Variants in FRMD4B observed in about 807,000 individuals in gnomAD.
The protein encoded by FRMD4B is FERM domain containing 4B.
In FRMD4B, 74 loss-of-function variants were observed where a neutral mutation model predicts 141.5. The observed-to-expected ratio is 0.52, with a 90% CI of 0.43 to 0.63. FRMD4B has a LOEUF of 0.63. FRMD4B is among the 30% of genes least tolerant of loss of function. FRMD4B has a pLI of 0.00. For missense variants in FRMD4B, 1,366 were observed against 1,253.4 expected (o/e 1.09, Z -1.36); for synonymous variants, 506 against 467.9 (o/e 1.08, Z -1.05).
chr3:69,481,913 T>C (rs928450700), intron 1 of FRMD4B, among the ~76,000 whole-genome samples: 3 of 152,154 alleles, frequency 2.0e-5, no homozygotes, highest in Non-Finnish European at 2.9e-5. Context: ...ACAGAGCCAT[T>C]CTCAAAAGAA....
intron 5 of FRMD4B, among the ~76,000 whole-genome samples, chr3:69,286,157 C>T (rs1309427082): frequency 3.9e-5 from 6 of 152,172 alleles, no homozygotes; most frequent in African/African-American, 1.4e-4. Context: ...TAAAGGAAGT[C>T]CTCCAGGCAG....
Position 69,385,867 on chromosome 3 carries a change from C to G in FRMD4B, c.123G>C (p.Gln41His). ...GCAGCCCGCACCACGTCCGCAGCAC[C>G]TGGTGGCAAGCCCGCAGCCTCTCCG... ...WYTERLRACH[Q>H]VLRTWCGLQD... is the part of the protein sequence containing the mutation. Residue 41 changes from glutamine to histidine, a missense_variant, in exon 1 of 23, where the codon CAG becomes CAC. Physicochemically the swap from Gln to His is conservative, Grantham distance 24. Coordinates refer to ENST00000398540, the MANE Select transcript of FRMD4B (RefSeq NM_015123.3). 6.3e-7 allele frequency: 1 copy of G among 1,599,390 alleles called. No homozygotes were observed. Among genetic ancestry groups the G allele is most frequent in the South Asian group, 1.1e-5 (1 of 87,792 alleles).
At chr3:69,448,399 G>A (rs924681454) in intron 1 of FRMD4B, among the ~76,000 whole-genome samples, 5 of 152,198 alleles carry the variant, frequency 3.3e-5, no homozygotes, top group African/African-American at 1.2e-4. Flanking sequence ...GGAATTGTGA[G>A]ATTCTATGAT....
intron 1 of FRMD4B, among the ~76,000 whole-genome samples, chr3:69,523,797 C>T (rs1575600170): frequency 6.6e-6 from 1 of 152,126 alleles, no homozygotes; most frequent in Admixed American, 6.5e-5. Context: ...GATGTGGCTT[C>T]CCAGGTGAGC....
At chr3:69,480,475 C>T (rs9825608) in intron 1 of FRMD4B, among the ~76,000 whole-genome samples, 3,745 of 152,302 alleles carry the variant, frequency 0.025, 169 homozygotes, top group African/African-American at 0.085. Context: ...AGGTCCACTC[C>T]GGACGCTGTT....
chr3:69,473,952 G>T (rs531413515), intron 1 of FRMD4B, among the ~76,000 whole-genome samples: 1 of 151,946 alleles, frequency 6.6e-6, no homozygotes, highest in Non-Finnish European at 1.5e-5. Flanking sequence ...CATCCCAGCC[G>T]TATCCCATCC....
chr3:69,386,520 GTTC>G (rs992516595), upstream of FRMD4B, among the ~76,000 whole-genome samples: 2 of 151,892 alleles, frequency 1.3e-5, no homozygotes, highest in Non-Finnish European at 2.9e-5. Context: ...ATCTTGCTCT[GTTC>G]ACACTGATAA....
chr3:69,328,278 C>G (rs989193253), intron 1 of FRMD4B, among the ~76,000 whole-genome samples: 1 of 152,194 alleles, frequency 6.6e-6, no homozygotes, highest in Non-Finnish European at 1.5e-5. Context: ...GACCTTTGCT[C>G]TTGTGGTTAT....
intron 1 of FRMD4B, among the ~76,000 whole-genome samples, chr3:69,526,601 G>C (rs1404689091): frequency 6.6e-6 from 1 of 152,156 alleles, no homozygotes; most frequent in Non-Finnish European, 1.5e-5. Context: ...GTGGGGCCGA[G>C]AAAATTGTTA....
upstream of FRMD4B, among the ~76,000 whole-genome samples, chr3:69,387,722 G>A (rs966175329): frequency 3.9e-5 from 6 of 152,164 alleles, no homozygotes; most frequent in African/African-American, 9.7e-5. Flanking sequence ...GTCAAAAGAC[G>A]AAGAACACAA....
chr3:69,297,428 A>G (rs1437515209), intron 4 of FRMD4B, among the ~76,000 whole-genome samples: 3 of 152,248 alleles, frequency 2.0e-5, no homozygotes, highest in African/African-American at 7.2e-5. Context: ...ACCCAGCAAA[A>G]GTGACTTGGA....
At chr3:69,283,692 A>G (rs1397273822) in intron 5 of FRMD4B, among the ~76,000 whole-genome samples, 5 of 152,224 alleles carry the variant, frequency 3.3e-5, no homozygotes, top group Non-Finnish European at 5.9e-5. Context: ...AGGAGAGGAT[A>G]GCCAACTGTG....
chr3:69,471,020 CT>C (rs1705879901), intron 1 of FRMD4B, among the ~76,000 whole-genome samples: 1 of 152,176 alleles, frequency 6.6e-6, no homozygotes, highest in Non-Finnish European at 1.5e-5. Context: ...CACTCTAATT[CT>C]ACACGCAGTA....
chr3:69,453,255 C>T (rs1160349406), intron 1 of FRMD4B, among the ~76,000 whole-genome samples: 1 of 152,170 alleles, frequency 6.6e-6, no homozygotes, highest in Non-Finnish European at 1.5e-5. Flanking sequence ...TGTTGCAGCA[C>T]CTTATAGAAG....
chr3:69,512,778 A>G (rs1559550282), intron 1 of FRMD4B, among the ~76,000 whole-genome samples: 1 of 152,208 alleles, frequency 6.6e-6, no homozygotes, highest in Non-Finnish European at 1.5e-5. Context: ...ACTTGGAGGA[A>G]TGTTCCATCA....
intron 1 of FRMD4B, among the ~76,000 whole-genome samples, chr3:69,488,810 TC>T (rs1168677089): frequency 7.1e-6 from 1 of 139,968 alleles, no homozygotes; most frequent in African/African-American, 2.7e-5. Context: ...AGAGAATCAC[TC>T]GAACCCAGAA....
chr3:69,373,685 C>CA (rs1187925224), intron 1 of FRMD4B, among the ~76,000 whole-genome samples: 19 of 151,968 alleles, frequency 1.3e-4, no homozygotes. Flanking sequence ...CCAGCCTGGG[C>CA]AACAACAAGA....
chr3:69,170,683 AAAAC>A lies in FRMD4B; in HGVS notation c.*1174_*1177del, dbSNP rs2092577517. 6.6e-6 allele frequency: 1 copy of A among 152,210 alleles called. No homozygotes were observed. Among genetic ancestry groups the A allele is most frequent in the Admixed American group, 6.5e-5 (1 of 15,280 alleles). 9.4% of individuals were successfully genotyped at this position (152,210 alleles called of 1,614,324 possible). ...GGAATATGGAAATCATTTGCTTTAAAAAACAAACAAACAAAACCCTACAATAAAC... is the reference window on the plus strand; with the variant it reads ...GGAATATGGAAATCATTTGCTTTAAAAAACAAACAAAACCCTACAATAAAC... On this transcript the variant is annotated 3_prime_UTR_variant, in exon 23 of 23. Transcript: ENST00000398540.
At chr3:69,536,651 CG>C in intron 1 of FRMD4B, 1 of 992,486 alleles carries the variant, frequency 1.0e-6, no homozygotes, top group Non-Finnish European at 1.6e-6. Flanking sequence ...CTGTGGAAGT[CG>C]AGGAGAGTGA....
Sources: gnomAD v4.1 joint callset for allele counts (sites outside exome capture counted in the v4.1 genomes callset) on GRCh38, gnomAD v4.1.1 for gene constraint, MANE v1.5 for transcripts, NCBI Gene and HGNC (gene_info 2026-07-23, HGNC 2026-07-21) for gene names.